The following NKAIN3 variants were observed in gnomAD, a reference collection of about 807,000 sequenced individuals.
The protein encoded by NKAIN3 is sodium/potassium-transporting ATPase subunit beta-1-interacting protein 3.
A neutral mutation model predicts 30.2 loss-of-function variants in NKAIN3; 25 were observed. That is an observed-to-expected ratio of 0.83 (90% CI 0.60 to 1.16). NKAIN3 has a LOEUF of 1.16. NKAIN3 is among the 50% of genes most tolerant of loss of function. NKAIN3 has a pLI of 0.00. For missense variants in NKAIN3, 225 were observed against 254.1 expected (o/e 0.89, Z 0.78); for synonymous variants, 91 against 89.6 (o/e 1.02, Z -0.09).
At chr8:62,422,469 G>A (rs1356371970) in intron 1 of NKAIN3, among the ~76,000 whole-genome samples, 1 of 152,060 alleles carries the variant, frequency 6.6e-6, no homozygotes, top group Admixed American at 6.6e-5. Flanking sequence ...CAGCTTTTCA[G>A]TTTTGATTAA....
At chr8:62,251,051 C>T (rs1002248417) in intron 1 of NKAIN3, among the ~76,000 whole-genome samples, 5 of 152,246 alleles carry the variant, frequency 3.3e-5, no homozygotes, top group Admixed American at 2.6e-4. Flanking sequence ...ATATTAGGAG[C>T]TGAAACATAT....
At chr8:62,558,424 T>A (rs937463924) in intron 1 of NKAIN3, among the ~76,000 whole-genome samples, 4 of 152,076 alleles carry the variant, frequency 2.6e-5, no homozygotes, top group African/African-American at 9.7e-5. Context: ...TTTTAGGATT[T>A]CTTTTTCTAG....
At chr8:62,556,030 C>T (rs73683332) in intron 1 of NKAIN3, among the ~76,000 whole-genome samples, 17,774 of 151,618 alleles carry the variant, frequency 0.12, 1,252 homozygotes, top group African/African-American at 0.2. Context: ...TCTCATTTAA[C>T]AAATTGGAAA....
chr8:62,252,130 A>G (rs536871269), intron 1 of NKAIN3, among the ~76,000 whole-genome samples: 1 of 151,916 alleles, frequency 6.6e-6, no homozygotes, highest in African/African-American at 2.4e-5. Flanking sequence ...TTCTACTGAA[A>G]CCAACTGTTT....
intron 4 of NKAIN3, among the ~76,000 whole-genome samples, chr8:62,875,465 GA>G (rs910739877): frequency 1.3e-5 from 2 of 151,914 alleles, no homozygotes; most frequent in African/African-American, 2.4e-5. Flanking sequence ...CACAGAATTA[GA>G]AAAAAAACTA....
intron 6 of NKAIN3, among the ~76,000 whole-genome samples, chr8:62,956,204 A>G (rs964446822): frequency 1.3e-5 from 2 of 152,194 alleles, no homozygotes; most frequent in African/African-American, 2.4e-5. Flanking sequence ...CAATGATGCC[A>G]TATCACTACC....
intron 1 of NKAIN3, among the ~76,000 whole-genome samples, chr8:62,409,743 GT>G (rs1214081062): frequency 1.3e-5 from 2 of 151,706 alleles, no homozygotes; most frequent in Non-Finnish European, 2.9e-5. Context: ...CAACTTCAGA[GT>G]TTTTTAAAAT....
chr8:62,984,992 G>C (rs184061604), downstream of NKAIN3: 35 of 152,238 alleles, frequency 2.3e-4, no homozygotes, highest in African/African-American at 8.4e-4. Context: ...GAATGTTCCT[G>C]AATTCTTCAG....
At chr8:62,735,425 A>G (rs1318924091) in intron 3 of NKAIN3, among the ~76,000 whole-genome samples, 1 of 142,136 alleles carries the variant, frequency 7.0e-6, no homozygotes, top group Non-Finnish European at 1.5e-5. Context: ...CTACTTGTTC[A>G]ATTCTATTGC....
intron 1 of NKAIN3, among the ~76,000 whole-genome samples, chr8:62,431,669 T>C (rs1434216889): frequency 1.3e-5 from 2 of 151,850 alleles, no homozygotes; most frequent in African/African-American, 2.4e-5. Flanking sequence ...GCTGTAGCAA[T>C]TGATTTTCTT....
intron 4 of NKAIN3, among the ~76,000 whole-genome samples, chr8:62,756,569 T>C (rs1484272138): frequency 6.6e-6 from 1 of 152,186 alleles, no homozygotes; most frequent in Non-Finnish European, 1.5e-5. Context: ...GGCAATCCAC[T>C]GTATATTTTA....
chr8:62,605,263 A>G (rs781026399), intron 3 of NKAIN3, among the ~76,000 whole-genome samples: 15 of 152,074 alleles, frequency 9.9e-5, no homozygotes, highest in Non-Finnish European at 1.9e-4. Context: ...GAGGATGTCA[A>G]CCATGCATTA....
Position 62,970,505 on chromosome 8 carries a change from T to C in NKAIN3, c.*5098T>C, listed in dbSNP as rs1823811402. ...GCATTCAAATAAAGGGTAAAAATCA[T>C]GTTAAATGCTAAACATTTTTAAAAA... is the stretch of plus-strand genomic sequence containing the variant. On this transcript the variant is annotated 3_prime_UTR_variant, in exon 7 of 7. Transcript: ENST00000623646. Among the ~76,000 whole-genome samples the C allele has an allele frequency of 6.6e-6, 1 of 152,160 alleles. No individual in the cohort carries two copies. Among genetic ancestry groups the C allele is most frequent in the Non-Finnish European group, 1.5e-5 (1 of 68,032 alleles).
At chr8:62,606,895 A>G (rs1406586115) in intron 3 of NKAIN3, among the ~76,000 whole-genome samples, 1 of 152,146 alleles carries the variant, frequency 6.6e-6, no homozygotes, top group Non-Finnish European at 1.5e-5. Context: ...TAGCTGAGAT[A>G]CTGAGACAGT....
intron 1 of NKAIN3, among the ~76,000 whole-genome samples, chr8:62,317,286 C>G (rs1308463512): frequency 2.0e-5 from 3 of 152,068 alleles, no homozygotes; most frequent in African/African-American, 7.2e-5. Context: ...TAATTAGATC[C>G]CGTTTGTCAA....
At chr8:62,951,321 A>T (rs1042793479) in intron 5 of NKAIN3, among the ~76,000 whole-genome samples, 3 of 152,246 alleles carry the variant, frequency 2.0e-5, no homozygotes, top group Non-Finnish European at 4.4e-5. Context: ...TCAGTCTTAT[A>T]TACCAGTTTA....
rs7387326 is a variant in NKAIN3 at position 62,969,964 on chromosome 8, A to G, written c.*4557A>G. On this transcript the variant is annotated 3_prime_UTR_variant, in exon 7 of 7. Transcript: ENST00000623646. ...AATCCCAAAGCTTTGGGAAGTTGAG[A>G]TGAAAGAATCACTTGAGGCCAGGAG... 0.79 allele frequency among the ~76,000 whole-genome samples: 119,715 copies of G among 152,094 alleles called. 48,121 individuals are homozygous for G. Among genetic ancestry groups the G allele is most frequent in the East Asian group, 0.97 (5,048 of 5,178 alleles).
chr8:62,895,175 C>T (rs1821394968), intron 4 of NKAIN3, among the ~76,000 whole-genome samples: 1 of 152,196 alleles, frequency 6.6e-6, no homozygotes, highest in Admixed American at 6.5e-5. Flanking sequence ...GTATTCTCTT[C>T]CTTCACATTT....
chr8:62,669,585 G>A (rs1313449459), intron 3 of NKAIN3, among the ~76,000 whole-genome samples: 2 of 152,060 alleles, frequency 1.3e-5, no homozygotes, highest in Non-Finnish European at 2.9e-5. Context: ...GTATAATCAT[G>A]ACTACACAAA....
Sources: gnomAD v4.1 joint callset for allele counts (sites outside exome capture counted in the v4.1 genomes callset) on GRCh38, gnomAD v4.1.1 for gene constraint, MANE v1.5 for transcripts, NCBI Gene and HGNC (gene_info 2026-07-23, HGNC 2026-07-21) for gene names.